CRAMP1: variants seen among roughly 807,000 people sequenced by gnomAD.
The protein encoded by CRAMP1 is protein cramped-like.
A neutral mutation model predicts 115.4 loss-of-function variants in CRAMP1; 50 were observed. The ratio of observed to expected loss-of-function variants is 0.43; its 90% CI spans 0.35 to 0.55. The LOEUF (loss-of-function observed/expected upper bound fraction) is 0.55, where lower values mean the gene tolerates loss of function less well. Ranked by LOEUF, CRAMP1 falls within the 20% of genes least tolerant of loss-of-function variation. The probability of loss-of-function intolerance (pLI) is 0.01; values close to 1 mark genes in which losing one functional copy is unlikely to be tolerated. For missense variants in CRAMP1, 1,679 were observed against 1,721.7 expected (o/e 0.98, Z 0.44); for synonymous variants, 866 against 745.4 (o/e 1.16, Z -2.64).
At position 1,614,383 on chromosome 16, in the gene CRAMP1, G is replaced by C. The variant is rs1744323443; in HGVS notation, c.-1-256G>C. On this transcript the variant is annotated intron_variant, in intron 1 of 20. Coordinates refer to ENST00000397412, the MANE Select transcript of CRAMP1 (RefSeq NM_020825.4). The surrounding 1 kb of genome is among the most constrained non-coding windows in gnomAD (Gnocchi z 4.4). ...TCGCGCCCTCCCGCCGCCGGCCCGG[G>C]CGTCTGGACGCGAGCCTCGGCCAGG... 4.1e-5 allele frequency among the ~76,000 whole-genome samples: 6 copies of C among 144,642 alleles called. No homozygotes were observed. In the South Asian group the frequency reaches 1.3e-3, roughly 30 times the overall value. 94.9% of individuals were successfully genotyped at this position (144,642 alleles called of 152,430 possible). A position where few individuals can be genotyped will look rare whatever the true frequency, so the allele number is the denominator to read the frequency against.
At chr16:1,647,583 A>T (rs1350810992) in intron 6 of CRAMP1, among the ~76,000 whole-genome samples, 1 of 152,044 alleles carries the variant, frequency 6.6e-6, no homozygotes, top group African/African-American at 2.4e-5. Flanking sequence ...TGTATTAAAA[A>T]TACAAAATTA....
chr16:1,638,992 G>C (rs1346216112), intron 5 of CRAMP1, among the ~76,000 whole-genome samples: 1 of 151,902 alleles, frequency 6.6e-6, no homozygotes, highest in Admixed American at 6.6e-5. Flanking sequence ...CGTGGGCCTC[G>C]TGTCCCAGCT....
At chr16:1,655,352 C>A in intron 9 of CRAMP1, 52 bp downstream of exon 9, 1 of 1,439,268 alleles carries the variant, frequency 6.9e-7, no homozygotes, top group Non-Finnish European at 9.8e-7. Context: ...CCTCTGCTGC[C>A]CAGAGATGGA....
At chr16:1,639,452 A>T (rs908506223) in intron 5 of CRAMP1, among the ~76,000 whole-genome samples, 2 of 151,372 alleles carry the variant, frequency 1.3e-5, no homozygotes, top group African/African-American at 4.9e-5. Flanking sequence ...TATGTAAATG[A>T]AGTAGTGGCC....
At position 1,655,317 on chromosome 16, in the gene CRAMP1, A is replaced by T. The variant is rs774255084; in HGVS notation, c.1119+17A>T. 1 of 1,607,736 alleles carries T rather than the reference A, an allele frequency of 6.2e-7. No homozygotes were observed. Among genetic ancestry groups the T allele is most frequent in the East Asian group, 2.2e-5 (1 of 44,842 alleles). ...GTGCGAGTTGTATCCTTTTCCAGCT[A>T]AAGCAAACCATCCAGGCTGCGCTGC... On this transcript the variant is annotated intron_variant, in intron 9 of 20. Transcript: ENST00000397412.
chr16:1,666,451 G>A lies in CRAMP1; in HGVS notation c.2887G>A (p.Gly963Ser), dbSNP rs570491301. 1.7e-5 allele frequency: 27 copies of A among 1,613,648 alleles called. No homozygotes were observed. The highest frequency in any genetic ancestry group is 7.7e-5 in the South Asian group (7 of 91,012). ...SAIDLAATSAGILSGNPLPAL... is the reference protein window; with the variant it reads ...SAIDLAATSASILSGNPLPAL... ...TATCGACTTAGCAGCTACAAGTGCC[G>A]GCATCCTTTCCGGGAACCCCCTCCC... The change falls in exon 16 of 21, where the codon GGC (glycine) becomes AGC (serine). Residue 963 changes from glycine (G) to serine (S), a missense_variant. Around this residue, in one of 8 missense-constraint regions of CRAMP1, gnomAD observed 709 missense variants for 741.9 expected, o/e 0.96. Transcript: ENST00000397412. This position sits in a 1 kb window ranked among gnomAD's most constrained non-coding sequence, Gnocchi z 5.0.
At chr16:1,618,619 T>G (rs2036440537) in intron 2 of CRAMP1, among the ~76,000 whole-genome samples, 4 of 152,154 alleles carry the variant, frequency 2.6e-5, no homozygotes, top group Admixed American at 2.6e-4. Context: ...TAGTCTGAAG[T>G]GACAGTCGTT....
chr16:1,648,841 G>A (rs774979236), intron 6 of CRAMP1, among the ~76,000 whole-genome samples: 6 of 152,174 alleles, frequency 3.9e-5, no homozygotes, highest in African/African-American at 1.2e-4. Context: ...GGCGGATCAC[G>A]AGGTCAGGAG....
Position 1,666,283 on chromosome 16 carries a change from A to T in CRAMP1, c.2857+106A>T. 8.6e-7 allele frequency: 1 copy of T among 1,164,486 alleles called. No homozygotes were observed. The highest frequency in any genetic ancestry group is 1.4e-5 in the South Asian group (1 of 73,422). 72.1% of individuals were successfully genotyped at this position (1,164,486 alleles called of 1,614,324 possible). A position where few individuals can be genotyped will look rare whatever the true frequency, so the allele number is the denominator to read the frequency against. On this transcript the variant is annotated intron_variant, in intron 15 of 20. Coordinates refer to ENST00000397412, the MANE Select transcript of CRAMP1 (RefSeq NM_020825.4). This position sits in a 1 kb window ranked among gnomAD's most constrained non-coding sequence, Gnocchi z 5.0. ...CTTCTCCAAATCATAATGTCTCATTACCCTTCACCAAGAACATCTAAGCCC... is the reference window on the plus strand; with the variant it reads ...CTTCTCCAAATCATAATGTCTCATTTCCCTTCACCAAGAACATCTAAGCCC...
chr16:1,662,726 T>A (rs748274871), intron 12 of CRAMP1, 35 bp from the exon 13 acceptor site: 1 of 1,613,494 alleles, frequency 6.2e-7, no homozygotes, highest in Non-Finnish European at 8.5e-7. Flanking sequence ...GTCTGGAGAG[T>A]GCACCTTCAG....
Position 1,674,387 on chromosome 16 carries a change from CAAGG to C in CRAMP1, c.*343_*346del, listed in dbSNP as rs1172621461. On this transcript the variant is annotated 3_prime_UTR_variant, in exon 21 of 21. Transcript: ENST00000397412. Reference sequence around the variant, plus strand: ...ATTCCGGTGGCATTTCCTTCTGAGACAAGGGAGTATGTGTGCCTTGGTGTAGTTG... The same window carrying C: ...ATTCCGGTGGCATTTCCTTCTGAGACGAGTATGTGTGCCTTGGTGTAGTTG... The C allele has an allele frequency of 3.4e-6, 1 of 297,708 alleles. No homozygotes were observed. Among genetic ancestry groups the C allele is most frequent in the Non-Finnish European group, 6.4e-6 (1 of 156,034 alleles). 18.4% of individuals were successfully genotyped at this position (297,708 alleles called of 1,614,324 possible).
intron 18 of CRAMP1, among the ~76,000 whole-genome samples, chr16:1,668,793 T>C (rs1209178891): frequency 6.6e-6 from 1 of 152,216 alleles, no homozygotes; most frequent in East Asian, 1.9e-4. Context: ...TGGTGGCTAC[T>C]GCCGTCGCCT....
intron 8 of CRAMP1, 88 bp from the exon 9 acceptor site, chr16:1,655,131 C>T (rs2036759638): frequency 4.2e-6 from 5 of 1,181,744 alleles, no homozygotes; most frequent in East Asian, 2.4e-5. Flanking sequence ...CTTTTGGCAC[C>T]CTCCTGCTGT....
chr16:1,632,487 C>T (rs1206015074), intron 4 of CRAMP1, 122 bp downstream of exon 4: 2 of 1,010,192 alleles, frequency 2.0e-6, no homozygotes, highest in South Asian at 1.7e-5. Flanking sequence ...GCCGCTTGGC[C>T]TGGGGCTCCT....
At chr16:1,615,403 T>C (rs186120983) in intron 2 of CRAMP1, among the ~76,000 whole-genome samples, 14 of 152,210 alleles carry the variant, frequency 9.2e-5, no homozygotes, top group East Asian at 1.9e-4. Context: ...TTGAAACTCA[T>C]TGGGGGGAAG....
At chr16:1,632,441 A>C (rs2036554629) in intron 4 of CRAMP1, 76 bp downstream of exon 4, 1 of 1,413,342 alleles carries the variant, frequency 7.1e-7, no homozygotes, top group Middle Eastern at 2.3e-4. Context: ...GCTTCCAGCA[A>C]GCCCGCCGGA....
rs2036404355 is a variant in CRAMP1 at position 1,614,908 on chromosome 16, A to G, written c.269A>G (p.Gln90Arg). 7.6e-7 allele frequency: 1 copy of G among 1,319,562 alleles called. No homozygotes were observed. Among genetic ancestry groups the G allele is most frequent in the Non-Finnish European group, 9.7e-7 (1 of 1,034,098 alleles). 81.7% of individuals were successfully genotyped at this position (1,319,562 alleles called of 1,614,324 possible). Residue 90 changes from glutamine (Q) to arginine (R), a missense_variant, in exon 2 of 21, where the codon CAG becomes CGG. Gln to Arg is a conservative substitution (Grantham distance 43, BLOSUM62 1). Transcript: ENST00000397412. This position sits in a 1 kb window ranked among gnomAD's most constrained non-coding sequence, Gnocchi z 4.4. ...HHFLRSSVRP[Q>R]SKRPRKDPPS... ...TTCCTCCGGTCCAGCGTGCGGCCGCAGAGCAAGAGGCCCAGGAAGGATCCT... is the reference window on the plus strand; with the variant it reads ...TTCCTCCGGTCCAGCGTGCGGCCGCGGAGCAAGAGGCCCAGGAAGGATCCT...
chr16:1,617,554 C>T (rs1355316522), intron 2 of CRAMP1, among the ~76,000 whole-genome samples: 3 of 152,230 alleles, frequency 2.0e-5, no homozygotes, highest in Non-Finnish European at 2.9e-5. Context: ...CAATTTTTCA[C>T]TTGGAAATGA....
Position 1,667,377 on chromosome 16 carries a change from G to A in CRAMP1, c.3079G>A (p.Glu1027Lys). ...CAGCATCCCTTCGAGGCCTGAGCAG[G>A]AGCCAGTGGCAGACAGTTTCCAGGT... ...FVSIPSRPEQ[E>K]PVADSFQGSS... The change falls in exon 17 of 21, where the codon GAG becomes AAG. Residue 1027 changes from glutamate to lysine, a missense_variant. Coordinates refer to ENST00000397412, the MANE Select transcript of CRAMP1 (RefSeq NM_020825.4). The A allele has an allele frequency of 1.2e-6, 2 of 1,613,102 alleles. No homozygotes were observed. The highest frequency in any genetic ancestry group is 1.7e-6 in the Non-Finnish European group (2 of 1,179,810).
Sources: gnomAD v4.1 joint callset for allele counts (sites outside exome capture counted in the v4.1 genomes callset) on GRCh38, gnomAD v4.1.1 for gene constraint, gnomAD v4.1.1 regional missense constraint, Gnocchi (gnomAD v3.1) non-coding constraint, MANE v1.5 for transcripts, NCBI Gene and HGNC (gene_info 2026-07-23, HGNC 2026-07-21) for gene names.